The following CHD7 variants were observed in gnomAD, a reference collection of about 807,000 sequenced individuals.
CHD7 encodes the protein chromodomain helicase DNA binding protein 7, also known as ATP-dependent chromatin remodeler CHD7.
A neutral mutation model predicts 307.3 loss-of-function variants in CHD7; 24 were observed. The observed-to-expected ratio is 0.08, with a 90% confidence interval of 0.06 to 0.11. The LOEUF is 0.11. Ranked by LOEUF, CHD7 falls within the 10% of genes least tolerant of loss-of-function variation. The pLI, the probability that CHD7 is intolerant of heterozygous loss-of-function variation, is 1.00. For missense variants in CHD7, 3,106 were observed against 3,727.1 expected (o/e 0.83, Z 4.34); for synonymous variants, 1,363 against 1,349.9 (o/e 1.01, Z -0.21).
At position 60,856,724 on chromosome 8, in the gene CHD7, A is replaced by G. The variant is rs369402366; in HGVS notation, c.7444A>G (p.Met2482Val). 7 of 1,613,876 alleles carry G rather than the reference A, an allele frequency of 4.3e-6. No homozygotes were observed. The African/African-American group carries it at 9.3e-5, about 22-fold the overall frequency. Residue 2482 changes from methionine to valine, a missense_variant, in exon 34 of 38, where the codon ATG becomes GTG. By Grantham distance (21) the Met-to-Val change is conservative (BLOSUM62 1). Coordinates refer to ENST00000423902, the MANE Select transcript of CHD7 (RefSeq NM_017780.4). Reference sequence around the variant, plus strand: ...AGTGTCTGATGCCTTTAAGACTCAAATGGAACTGCTCCAAGCAGGCCTTTC... The same window carrying G: ...AGTGTCTGATGCCTTTAAGACTCAAGTGGAACTGCTCCAAGCAGGCCTTTC... ...TPVSDAFKTQ[M>V]ELLQAGLSRT...
chr8:60,781,551 T>G (rs1811234147), intron 3 of CHD7, 121 bp downstream of exon 3: 2 of 1,334,736 alleles, frequency 1.5e-6, no homozygotes, highest in Middle Eastern at 1.9e-4. Flanking sequence ...CATCATTGAG[T>G]TTCTTTCCCT....
At chr8:60,768,137 C>G (rs1308934665) in intron 2 of CHD7, among the ~76,000 whole-genome samples, 1 of 152,082 alleles carries the variant, frequency 6.6e-6, no homozygotes, top group East Asian at 1.9e-4. Context: ...TAATACTCCC[C>G]TCTGAAATCA....
intron 26 of CHD7, 187 bp from the exon 27 acceptor site, chr8:60,850,845 A>T (rs557074754): frequency 7.6e-5 from 52 of 688,286 alleles, no homozygotes; most frequent in Non-Finnish European, 1.1e-4. Flanking sequence ...CATTTCCCGC[A>T]ATCTCCCCAG....
Position 60,742,795 on chromosome 8 carries a change from A to G in CHD7, c.1363A>G (p.Met455Val), listed in dbSNP as rs529934598. ...IGQRNMGPRN[M>V]QQSRPFIGMS... Reference sequence around the variant, plus strand: ...ACAGAGGAATATGGGCCCCAGAAACATGCAGCAGTCTCGTCCATTTATAGG... The same window carrying G: ...ACAGAGGAATATGGGCCCCAGAAACGTGCAGCAGTCTCGTCCATTTATAGG... The change falls in exon 2 of 38, where the codon ATG (methionine) becomes GTG (valine). Residue 455 changes from methionine (M) to valine (V), a missense_variant. By Grantham distance (21) the Met-to-Val change is conservative. Transcript: ENST00000423902. 8.1e-6 allele frequency: 13 copies of G among 1,614,014 alleles called. 1 individual carries two copies. In the South Asian group the frequency reaches 1.3e-4, roughly 16 times the overall value.
At chr8:60,782,533 A>T (rs1811302628) in intron 3 of CHD7, among the ~76,000 whole-genome samples, 1 of 152,238 alleles carries the variant, frequency 6.6e-6, no homozygotes, top group East Asian at 1.9e-4. Flanking sequence ...GATCATAGCC[A>T]TTTAGGAAAT....
chr8:60,737,068 TA>T (rs1263754667), intron 1 of CHD7, among the ~76,000 whole-genome samples: 10 of 152,198 alleles, frequency 6.6e-5, no homozygotes, highest in Middle Eastern at 3.4e-3. Context: ...AAAATATTAA[TA>T]TTTTCAGTGA....
chr8:60,697,315 C>G (rs575001145), intron 1 of CHD7, among the ~76,000 whole-genome samples: 2 of 152,150 alleles, frequency 1.3e-5, no homozygotes, highest in Non-Finnish European at 2.9e-5. Context: ...AGCTTTCAGG[C>G]TATATTTTCT....
intron 2 of CHD7, among the ~76,000 whole-genome samples, chr8:60,771,087 G>T (rs1810686010): frequency 6.6e-6 from 1 of 152,166 alleles, no homozygotes; most frequent in African/African-American, 2.4e-5. Flanking sequence ...GAACAGTGCT[G>T]GGCACAGAGG....
At chr8:60,708,414 A>G (rs552294891) in intron 1 of CHD7, among the ~76,000 whole-genome samples, 3 of 152,226 alleles carry the variant, frequency 2.0e-5, no homozygotes. Context: ...TTCAGTGTCT[A>G]CTGCCTTCTC....
At chr8:60,707,062 A>T (rs1807059559) in intron 1 of CHD7, among the ~76,000 whole-genome samples, 4 of 152,168 alleles carry the variant, frequency 2.6e-5, no homozygotes, top group African/African-American at 7.2e-5. Context: ...GAGTGAGAAC[A>T]TGCAGTAATC....
At position 60,822,762 on chromosome 8, in the gene CHD7, T is replaced by C. The variant is rs763268960; in HGVS notation, c.3201+16T>C. 2 of 1,594,222 alleles carry C rather than the reference T, an allele frequency of 1.3e-6. No homozygotes were observed. The highest frequency in any genetic ancestry group is 4.5e-5 in the East Asian group (2 of 44,648). Reference sequence around the variant, plus strand: ...AGATCCCCAGGTAAACCTTCACAGGTTGTATTCTTTGTACTTACTCTGTGC... The same window carrying C: ...AGATCCCCAGGTAAACCTTCACAGGCTGTATTCTTTGTACTTACTCTGTGC... On this transcript the variant is annotated intron_variant, in intron 12 of 37. Coordinates refer to ENST00000423902, the MANE Select transcript of CHD7 (RefSeq NM_017780.4).
At chr8:60,821,744 A>T in intron 9 of CHD7, 46 bp from the exon 10 acceptor site, 1 of 1,529,458 alleles carries the variant, frequency 6.5e-7, no homozygotes, top group Non-Finnish European at 8.9e-7. Flanking sequence ...ATATGTATGT[A>T]TGTGGTCAAA....
chr8:60,680,399 G>T (rs1380935486), intron 1 of CHD7, among the ~76,000 whole-genome samples: 1 of 8,994 alleles, frequency 1.1e-4, no homozygotes, highest in African/African-American at 5.5e-4. Flanking sequence ...TCGAGGTCGC[G>T]GGGGGGGGGG....
chr8:60,742,605 C>T lies in CHD7; in HGVS notation c.1173C>T (p.Ala391=). 1.2e-6 allele frequency: 2 copies of T among 1,613,450 alleles called. No individual in the cohort carries two copies. The highest frequency in any genetic ancestry group is 1.1e-5 in the South Asian group (1 of 91,072). ...CTTCACAGCCTCAGGGAACTTATGC[C>T]TCTCCACCTCCCATGTCACCCATGA... The part of the protein sequence containing the change: ...MHPSQPQGTY[A]SPPPMSPMKA... Residue 391 remains alanine (A), a synonymous_variant, in exon 2 of 38, where the codon GCC becomes GCT. Coordinates refer to ENST00000423902, the MANE Select transcript of CHD7 (RefSeq NM_017780.4).
At chr8:60,747,205 A>G (rs1307011824) in intron 2 of CHD7, among the ~76,000 whole-genome samples, 1 of 151,624 alleles carries the variant, frequency 6.6e-6, no homozygotes, top group East Asian at 1.9e-4. Context: ...ACTCCCTAGT[A>G]GTTGGGATTA....
At chr8:60,679,443 G>GGC (rs1554569404) in intron 1 of CHD7, 1 of 145,824 alleles carries the variant, frequency 6.9e-6, no homozygotes, top group Non-Finnish European at 1.5e-5. Flanking sequence ...CGGCGTGGGG[G>GGC]GGGGGTACGG....
chr8:60,852,888 C>G lies in CHD7; in HGVS notation c.6163C>G (p.Leu2055Val), dbSNP rs1304862038. The change falls in exon 31 of 38, where the codon CTG becomes GTG. Residue 2055 changes from leucine to valine, a missense_variant. By Grantham distance (32) the Leu-to-Val change is conservative (BLOSUM62 1). Around this residue, in one of 10 missense-constraint regions of CHD7, gnomAD observed 1,030 missense variants for 1,165.4 expected, o/e 0.88. Coordinates refer to ENST00000423902, the MANE Select transcript of CHD7 (RefSeq NM_017780.4). ...PITEERASRTLYRIELLRKIR... is the reference protein window; with the variant it reads ...PITEERASRTVYRIELLRKIR... ...CACAGAGGAGCGAGCCTCTCGAACTCTGTACCGCATTGAGCTGCTACGGAA... is the reference window on the plus strand; with the variant it reads ...CACAGAGGAGCGAGCCTCTCGAACTGTGTACCGCATTGAGCTGCTACGGAA... 4.3e-6 allele frequency: 7 copies of G among 1,614,028 alleles called. No homozygotes were observed. Among genetic ancestry groups the G allele is most frequent in the African/African-American group, 1.3e-5 (1 of 75,060 alleles).
intron 21 of CHD7, among the ~76,000 whole-genome samples, chr8:60,843,159 T>A (rs1251038678): frequency 6.6e-6 from 1 of 152,234 alleles, no homozygotes; most frequent in East Asian, 1.9e-4. Flanking sequence ...TCCTTCATTG[T>A]GCCCTCAGTG....
At position 60,853,385 on chromosome 8, in the gene CHD7, T is replaced by G. The variant is rs34527521; in HGVS notation, c.6660T>G (p.Gly2220=). The change falls in exon 31 of 38, where the codon GGT becomes GGG. Residue 2220 remains glycine, a synonymous_variant. Transcript: ENST00000423902. ...EASSVKNELK[G]VEVGADTGSK... ...GCTCTGTGAAAAATGAACTGAAAGG[T>G]GTTGAGGTCGGCGCAGACACTGGGT... The G allele has an allele frequency of 1.1e-3, 1,730 of 1,544,560 alleles. 3 individuals carry two copies. Among genetic ancestry groups the G allele is most frequent in the Non-Finnish European group, 1.4e-3 (1,639 of 1,149,572 alleles).
Sources: gnomAD v4.1 joint callset for allele counts (sites outside exome capture counted in the v4.1 genomes callset) on GRCh38, gnomAD v4.1.1 for gene constraint, gnomAD v4.1.1 regional missense constraint, MANE v1.5 for transcripts, NCBI Gene and HGNC (gene_info 2026-07-23, HGNC 2026-07-21) for gene names.